Variants in CSNK1E observed in about 807,000 individuals in gnomAD.
CSNK1E encodes casein kinase I isoform epsilon.
CSNK1E carries 17 observed loss-of-function variants against 46.1 expected under a neutral mutation model. The ratio of observed to expected loss-of-function variants is 0.37; its 90% CI spans 0.25 to 0.55. CSNK1E has a LOEUF of 0.55. Among genes scored for constraint, CSNK1E ranks in the 20% least tolerant of loss-of-function variants. The probability of loss-of-function intolerance (pLI) is 0.82; values close to 1 mark genes in which losing one functional copy is unlikely to be tolerated. For missense variants in CSNK1E, 386 were observed against 595.4 expected (o/e 0.65, Z 3.66); for synonymous variants, 241 against 242.6 (o/e 0.99, Z 0.06).
At chr22:38,306,729 CAAAAAAAAA>C (rs135754) in intron 2 of CSNK1E, among the ~76,000 whole-genome samples, 2 of 147,234 alleles carry the variant, frequency 1.4e-5, no homozygotes, top group Non-Finnish European at 3.0e-5. Context: ...GACTCCATCT[CAAAAAAAAA>C]AAAAAAAAAA....
At chr22:38,297,624 T>C (rs2092647874) in intron 7 of CSNK1E, 1 of 994,628 alleles carries the variant, frequency 1.0e-6, no homozygotes, top group Non-Finnish European at 1.2e-6. Context: ...AGGTGTTTAA[T>C]GAGTTCTGGT....
chr22:38,314,679 A>G (rs993761696), intron 1 of CSNK1E, among the ~76,000 whole-genome samples: 4 of 152,276 alleles, frequency 2.6e-5, no homozygotes, highest in Admixed American at 2.0e-4. Context: ...AAGACCTCAC[A>G]CGGAGGCCCA....
At chr22:38,315,358 A>G (rs1043247121) in intron 1 of CSNK1E, among the ~76,000 whole-genome samples, 1 of 152,238 alleles carries the variant, frequency 6.6e-6, no homozygotes, top group Admixed American at 6.5e-5. Flanking sequence ...GAACCCCGGC[A>G]CCTGGCTCCC....
chr22:38,307,597 A>C (rs2092704033), intron 2 of CSNK1E, among the ~76,000 whole-genome samples: 1 of 152,212 alleles, frequency 6.6e-6, no homozygotes, highest in African/African-American at 2.4e-5. Flanking sequence ...ATATACAAAT[A>C]CTACAGCTTT....
At chr22:38,308,275 A>G (rs1443910184) in intron 2 of CSNK1E, among the ~76,000 whole-genome samples, 5 of 152,244 alleles carry the variant, frequency 3.3e-5, no homozygotes, top group Admixed American at 1.3e-4. Flanking sequence ...CTAGCCAGCA[A>G]CAGGAATGAA....
chr22:38,294,625 G>T lies in CSNK1E; in HGVS notation c.886-91C>A. Reference sequence around the variant, plus strand: ...CTGCAGGGCACAGAAGGGGAGGGAGGCCAGGTGGATATCTCAGAAACCTTC... The same window carrying T: ...CTGCAGGGCACAGAAGGGGAGGGAGTCCAGGTGGATATCTCAGAAACCTTC... On this transcript the variant is annotated intron_variant, in intron 7 of 10. Transcript: ENST00000396832. This position sits in a 1 kb window ranked among gnomAD's most constrained non-coding sequence, Gnocchi z 5.5. 2.4e-6 allele frequency: 3 copies of T among 1,257,260 alleles called. No individual in the cohort carries two copies. The highest frequency in any genetic ancestry group is 3.3e-6 in the Non-Finnish European group (3 of 922,484). The allele number at this position is 1,257,260 out of a possible 1,614,324, so 77.9% of individuals were successfully genotyped here.
chr22:38,300,659 CT>C lies in CSNK1E; in HGVS notation c.565+64del. On this transcript the variant is annotated intron_variant, in intron 5 of 10. Transcript: ENST00000396832. This position sits in a 1 kb window ranked among gnomAD's most constrained non-coding sequence, Gnocchi z 4.4. ...TCCATCAGGGTAGGGGGTGAGAGGG[CT>C]CCAGAGAGCTGGGCCCCAGCCAGTG... The C allele has an allele frequency of 6.7e-7, 1 of 1,501,454 alleles. No individual in the cohort carries two copies. The highest frequency in any genetic ancestry group is 9.2e-7 in the Non-Finnish European group (1 of 1,087,290). The allele number at this position is 1,501,454 out of a possible 1,614,324, so 93.0% of individuals were successfully genotyped here.
At chr22:38,292,874 G>GT (rs1338275600) in intron 10 of CSNK1E, 1 of 247,294 alleles carries the variant, frequency 4.0e-6, no homozygotes, top group Non-Finnish European at 8.0e-6. Flanking sequence ...ATTAACTTGC[G>GT]TAACAGCCCA....
At chr22:38,301,750 A>T (rs2092673825) in intron 4 of CSNK1E, among the ~76,000 whole-genome samples, 2 of 152,242 alleles carry the variant, frequency 1.3e-5, no homozygotes, top group South Asian at 4.1e-4. Context: ...TAAAACTCAA[A>T]CTAATATCCA....
At chr22:38,307,967 G>A (rs1300847409) in intron 2 of CSNK1E, among the ~76,000 whole-genome samples, 1 of 152,194 alleles carries the variant, frequency 6.6e-6, no homozygotes, top group Non-Finnish European at 1.5e-5. Context: ...AGGAATTACA[G>A]GCATGAGCCA....
chr22:38,293,776 T>TGGGGGCTCCC (rs1317748015), intron 9 of CSNK1E: 1 of 414,366 alleles, frequency 2.4e-6, no homozygotes, highest in Non-Finnish European at 4.4e-6. Context: ...CAGGGGCTCC[T>TGGGGGCTCCC]GGGGGCTCCC....
rs2092645803 is a variant in CSNK1E, at chr22:38,297,246, G to C, written c.885+1540C>G. ...GACGTGGGAGTGACTATCTCGATAA[G>C]AAAGTGCCCAGTGCCCAATGCCCTG... On this transcript the variant is annotated intron_variant, in intron 7 of 10. Transcript: ENST00000396832. 4.2e-5 allele frequency: 30 copies of C among 708,434 alleles called. No homozygotes were observed. The South Asian group carries it at 4.5e-4, about 11-fold the overall frequency. 43.9% of individuals were successfully genotyped at this position (708,434 alleles called of 1,614,324 possible).
chr22:38,297,269 C>T, intron 7 of CSNK1E: 1 of 658,936 alleles, frequency 1.5e-6, no homozygotes, highest in Non-Finnish European at 2.8e-6. Flanking sequence ...GCCCAATGCC[C>T]TGTGGTGGAA....
In CSNK1E at chr22:38,298,806, C is replaced by A; in HGVS notation, c.865G>T (p.Asp289Tyr). 6.2e-7 allele frequency: 1 copy of A among 1,614,136 alleles called. No individual in the cohort carries two copies. Residue 289 changes from aspartate (D) to tyrosine (Y), a missense_variant, in exon 7 of 11, where the codon GAC becomes TAC. By Grantham distance (160) the Asp-to-Tyr change is radical. Coordinates refer to ENST00000396832, the MANE Select transcript of CSNK1E (RefSeq NM_152221.3). The surrounding 1 kb of genome is among the most constrained non-coding windows in gnomAD (Gnocchi z 4.2). Reference protein sequence around the residue: ...RQGFSYDYVFDWNMLKFGAAR... With the variant: ...RQGFSYDYVFYWNMLKFGAAR... ...CTCACGAATTTCAGCATGTTCCAGT[C>A]AAAGACGTAGTCATAGGAGAAGCCC...
At chr22:38,308,252 T>C (rs959311687) in intron 2 of CSNK1E, among the ~76,000 whole-genome samples, 1 of 152,178 alleles carries the variant, frequency 6.6e-6, no homozygotes. Flanking sequence ...AAAAACAGAA[T>C]GAATAACTCA....
At chr22:38,301,028 A>C (rs1602549010) in intron 4 of CSNK1E, 76 bp from the exon 5 acceptor site, 1 of 1,275,658 alleles carries the variant, frequency 7.8e-7, no homozygotes, top group South Asian at 1.2e-5. Flanking sequence ...GGCTGGGGCC[A>C]CAGAGGTGGA....
chr22:38,302,803 G>C (rs1461266244), intron 4 of CSNK1E, 58 bp downstream of exon 4: 6 of 1,600,840 alleles, frequency 3.7e-6, no homozygotes, highest in Non-Finnish European at 5.1e-6. Flanking sequence ...GCAGGAGGCA[G>C]GGCTGGTATC....
intron 2 of CSNK1E, among the ~76,000 whole-genome samples, chr22:38,304,317 G>T (rs143895900): frequency 2.6e-5 from 4 of 152,216 alleles, no homozygotes; most frequent in Non-Finnish European, 5.9e-5. Context: ...CTGAACAACC[G>T]GCTGGCCACC....
At chr22:38,313,516 A>G (rs986243874) in intron 2 of CSNK1E, among the ~76,000 whole-genome samples, 2 of 152,260 alleles carry the variant, frequency 1.3e-5, no homozygotes, top group African/African-American at 4.8e-5. Context: ...GCAACATCAC[A>G]GCATACTCAT....
Sources: allele counts gnomAD v4.1 joint callset (sites outside exome capture counted in the v4.1 genomes callset), GRCh38; gene constraint gnomAD v4.1.1; non-coding constraint Gnocchi (gnomAD v3.1); transcripts MANE v1.5; gene names NCBI Gene and HGNC (gene_info 2026-07-23, HGNC 2026-07-21).